The following MAP4K3 variants were observed in gnomAD, a reference collection of about 807,000 sequenced individuals.
MAP4K3 encodes the protein MAPK/ERK kinase kinase kinase 3.
A neutral mutation model predicts 143.5 loss-of-function variants in MAP4K3; 94 were observed. The observed-to-expected ratio is 0.65, with a 90% CI of 0.55 to 0.78. MAP4K3 has a LOEUF of 0.78. Among genes scored for constraint, MAP4K3 ranks in the 30% least tolerant of loss-of-function variants. The probability of loss-of-function intolerance (pLI) is 0.00; values close to 1 mark genes in which losing one functional copy is unlikely to be tolerated. For synonymous variants in MAP4K3, 416 were observed against 347.2 expected (o/e 1.20, Z -2.20); for missense variants, 1,077 against 1,068.1 (o/e 1.01, Z -0.12).
At chr2:39,355,040 C>T (rs2148551113) in intron 3 of MAP4K3, among the ~76,000 whole-genome samples, 1 of 152,098 alleles carries the variant, frequency 6.6e-6, no homozygotes, top group South Asian at 2.1e-4. Context: ...CCAGCCTGGG[C>T]AACATAGTGA....
intron 12 of MAP4K3, among the ~76,000 whole-genome samples, chr2:39,319,957 A>G (rs1272243204): frequency 6.6e-6 from 1 of 152,136 alleles, no homozygotes; most frequent in African/African-American, 2.4e-5. Context: ...AAAGTCCCCA[A>G]TTCTTTGACC....
chr2:39,399,825 T>A (rs1255096636), intron 1 of MAP4K3, among the ~76,000 whole-genome samples: 2 of 152,224 alleles, frequency 1.3e-5, no homozygotes, highest in Non-Finnish European at 2.9e-5. Flanking sequence ...AAGAGACTGC[T>A]GTAAGTAGGA....
chr2:39,323,422 G>C (rs1367894252), intron 12 of MAP4K3: 1 of 152,128 alleles, frequency 6.6e-6, no homozygotes, highest in African/African-American at 2.4e-5. Context: ...CAATCATGTA[G>C]CATTTAGTGC....
chr2:39,274,511 C>T (rs772753442), intron 24 of MAP4K3, among the ~76,000 whole-genome samples: 22 of 152,256 alleles, frequency 1.4e-4, no homozygotes, highest in Non-Finnish European at 2.6e-4. Context: ...TGAGCCATCG[C>T]GCCTGACCCT....
rs1665000711 is a variant in MAP4K3, at chr2:39,337,474, T to C, written c.366+52A>G. On this transcript the variant is annotated intron_variant, in intron 5 of 33. Transcript: ENST00000263881. ...TGCTGAACAGGTAATGCACAGTAAG[T>C]AAAGCCTTAGTTTAATGAAAAATGT... 3 of 1,356,216 alleles carry C rather than the reference T, an allele frequency of 2.2e-6. No homozygotes were observed. In the East Asian group the frequency reaches 6.9e-5, roughly 31 times the overall value. 84.0% of individuals were successfully genotyped at this position (1,356,216 alleles called of 1,614,324 possible).
At chr2:39,301,643 A>G (rs1259011301) in intron 15 of MAP4K3, among the ~76,000 whole-genome samples, 1 of 152,202 alleles carries the variant, frequency 6.6e-6, no homozygotes. Flanking sequence ...AAAAATACTC[A>G]GCTCATCTGA....
chr2:39,338,626 A>G (rs953629077), intron 4 of MAP4K3, among the ~76,000 whole-genome samples: 4 of 152,224 alleles, frequency 2.6e-5, no homozygotes, highest in Non-Finnish European at 4.4e-5. Flanking sequence ...TCTTAATCTT[A>G]TAAGTAATAT....
In MAP4K3 at chr2:39,250,292, A is replaced by C. The variant is rs185018697; in HGVS notation, c.*326T>G. On this transcript the variant is annotated 3_prime_UTR_variant, in exon 34 of 34. Coordinates refer to ENST00000263881, the MANE Select transcript of MAP4K3 (RefSeq NM_003618.4). The stretch of plus-strand genomic sequence containing the variant: ...ATCAACATTTACATCTGTACAGATA[A>C]GACACTTACTTGTACATCTCATAAA... 1 of 220,486 alleles carries C rather than the reference A, an allele frequency of 4.5e-6. No homozygotes were observed. The highest frequency in any genetic ancestry group is 5.3e-5 in the Admixed American group (1 of 18,808). The allele number at this position is 220,486 out of a possible 1,614,324, so 13.7% of individuals were successfully genotyped here. A position where few individuals can be genotyped will look rare whatever the true frequency, so the allele number is the denominator to read the frequency against.
chr2:39,300,122 A>C (rs564243326), intron 15 of MAP4K3, among the ~76,000 whole-genome samples: 1 of 152,188 alleles, frequency 6.6e-6, no homozygotes, highest in African/African-American at 2.4e-5. Flanking sequence ...TTCTCCAGTT[A>C]TAATGAAGCA....
At chr2:39,289,618 C>G (rs1265688222) in intron 19 of MAP4K3, among the ~76,000 whole-genome samples, 3 of 152,044 alleles carry the variant, frequency 2.0e-5, no homozygotes, top group East Asian at 1.9e-4. Context: ...AATTAAATAT[C>G]TATGATGATA....
Position 39,429,059 on chromosome 2 carries a change from C to T in MAP4K3, c.96+7833G>A, listed in dbSNP as rs1464511403. Reference sequence around the variant, plus strand: ...CAGCCTGGGCGACAGAGCGAGACTCCGTCTCAAAAAAAAAAAAAAAAAAAA... The same window carrying T: ...CAGCCTGGGCGACAGAGCGAGACTCTGTCTCAAAAAAAAAAAAAAAAAAAA... On this transcript the variant is annotated intron_variant, in intron 1 of 33. Coordinates refer to ENST00000263881, the MANE Select transcript of MAP4K3 (RefSeq NM_003618.4). 1.2e-4 allele frequency among the ~76,000 whole-genome samples: 10 copies of T among 83,058 alleles called. No individual in the cohort carries two copies. The Admixed American group carries it at 1.6e-3, about 13-fold the overall frequency. The allele number at this position is 83,058 out of a possible 152,430, so 54.5% of individuals were successfully genotyped here.
chr2:39,419,829 A>T (rs978211152), intron 1 of MAP4K3, among the ~76,000 whole-genome samples: 3 of 152,194 alleles, frequency 2.0e-5, no homozygotes, highest in Admixed American at 6.5e-5. Flanking sequence ...TTTCTGCAAA[A>T]GGCTTTATAT....
intron 1 of MAP4K3, among the ~76,000 whole-genome samples, chr2:39,432,055 C>CT (rs1387644530): frequency 6.6e-6 from 1 of 152,162 alleles, no homozygotes; most frequent in Non-Finnish European, 1.5e-5. Flanking sequence ...ACTATGACAG[C>CT]TAATAGCAGG....
chr2:39,257,926 T>C (rs1680411377), intron 31 of MAP4K3, among the ~76,000 whole-genome samples: 1 of 152,108 alleles, frequency 6.6e-6, no homozygotes, highest in South Asian at 2.1e-4. Context: ...ATTTATTATA[T>C]CCTCTAATTT....
At chr2:39,436,772 C>A (rs1665499032) in intron 1 of MAP4K3, 120 bp downstream of exon 1, 1 of 816,732 alleles carries the variant, frequency 1.2e-6, no homozygotes. Flanking sequence ...GCAGCTCCTC[C>A]TCCCCGACTG....
chr2:39,308,954 A>T (rs1190715810), intron 14 of MAP4K3, among the ~76,000 whole-genome samples: 2 of 152,128 alleles, frequency 1.3e-5, no homozygotes, highest in Non-Finnish European at 2.9e-5. Flanking sequence ...AAAGAGAAAA[A>T]ATAAAAAATA....
chr2:39,289,571 T>C (rs1476081373), intron 19 of MAP4K3, among the ~76,000 whole-genome samples: 1 of 152,200 alleles, frequency 6.6e-6, no homozygotes, highest in Non-Finnish European at 1.5e-5. Flanking sequence ...TTAAAAATTG[T>C]ACTATTTTGT....
chr2:39,428,817 C>G (rs1665182625), intron 1 of MAP4K3, among the ~76,000 whole-genome samples: 2 of 151,774 alleles, frequency 1.3e-5, no homozygotes, highest in Admixed American at 1.3e-4. Context: ...CACCTGTAAT[C>G]CCAGCACCTT....
chr2:39,352,008 G>A lies in MAP4K3; in HGVS notation c.245+4241C>T, dbSNP rs1457074930. Among the ~76,000 whole-genome samples the A allele has an allele frequency of 2.0e-5, 3 of 152,266 alleles. No individual in the cohort carries two copies. In the East Asian group the frequency reaches 5.8e-4, roughly 29 times the overall value. The stretch of plus-strand genomic sequence containing the variant: ...ATATCTATTCTAAATAGTTTTTACT[G>A]TATGGATCAAATCTTCTACTGGCTT... On this transcript the variant is annotated intron_variant, in intron 3 of 33. Coordinates refer to ENST00000263881, the MANE Select transcript of MAP4K3 (RefSeq NM_003618.4).
Sources: gnomAD v4.1 joint callset for allele counts (sites outside exome capture counted in the v4.1 genomes callset) on GRCh38, gnomAD v4.1.1 for gene constraint, MANE v1.5 for transcripts, NCBI Gene and HGNC (gene_info 2026-07-23, HGNC 2026-07-21) for gene names.